OCLN: variants seen among roughly 807,000 people sequenced by gnomAD.
OCLN encodes the protein phosphatase 1, regulatory subunit 115.
OCLN carries 21 observed loss-of-function variants against 47.9 expected under a neutral mutation model. That is an observed-to-expected ratio of 0.44 (90% CI 0.31 to 0.63). OCLN has a LOEUF of 0.63. OCLN is among the 30% of genes least tolerant of loss of function. The pLI is 0.08. For missense variants in OCLN, 360 were observed against 571.0 expected, an observed-to-expected ratio of 0.63 and a Z score of 3.77; for synonymous variants, 117 against 198.4, an observed-to-expected ratio of 0.59 and a Z score of 3.45.
chr5:69,515,622 GC>G (rs1768932503), intron 4 of OCLN, among the ~76,000 whole-genome samples: 1 of 150,466 alleles, frequency 6.6e-6, no homozygotes, highest in African/African-American at 2.4e-5. Context: ...GGGGCGGCTG[GC>G]CGGGCGGGGG....
chr5:69,502,379 A>C (rs2111951065), intron 1 of OCLN: 1 of 152,322 alleles, frequency 6.6e-6, no homozygotes, highest in East Asian at 1.9e-4. Flanking sequence ...CATACCTTTT[A>C]AAGTTACTCT....
intron 2 of OCLN, among the ~76,000 whole-genome samples, chr5:69,507,826 G>T (rs534962822): frequency 3.3e-5 from 5 of 152,118 alleles, no homozygotes; most frequent in South Asian, 2.1e-4. Context: ...GGCCGGTCTC[G>T]AACTCCTGAC....
chr5:69,515,579 C>G (rs1310547983), intron 4 of OCLN, among the ~76,000 whole-genome samples: 3 of 94,612 alleles, frequency 3.2e-5, no homozygotes, highest in East Asian at 4.1e-4. Context: ...GCTGGCCGGG[C>G]GGGGGGCTGA....
At chr5:69,531,547 C>T (rs1034566558) in intron 4 of OCLN, among the ~76,000 whole-genome samples, 2 of 152,204 alleles carry the variant, frequency 1.3e-5, no homozygotes, top group Non-Finnish European at 2.9e-5. Context: ...AAGCATTTGC[C>T]TGTGAAGCTT....
chr5:69,520,353 C>T lies in OCLN; in HGVS notation c.891+6244C>T, dbSNP rs192067259. Among the ~76,000 whole-genome samples, 73 of 146,928 alleles carry T rather than the reference C, an allele frequency of 5.0e-4. 1 individual carries two copies. The East Asian group carries it at 7.2e-3, about 15-fold the overall frequency. On this transcript the variant is annotated intron_variant, in intron 4 of 8. Coordinates refer to ENST00000396442, the MANE Select transcript of OCLN (RefSeq NM_001205254.2). ...TCTTGCTCTGTTGCCCAGGCTGGAG[C>T]GCAGTGGCACTATCTCGGCTCACTG...
intron 4 of OCLN, among the ~76,000 whole-genome samples, chr5:69,519,281 G>C (rs778757720): frequency 1.3e-5 from 2 of 152,150 alleles, no homozygotes; most frequent in Non-Finnish European, 2.9e-5. Flanking sequence ...AGCATCTTCA[G>C]GATTATAACA....
intron 4 of OCLN, among the ~76,000 whole-genome samples, chr5:69,523,223 T>G (rs1769190064): frequency 6.6e-6 from 1 of 152,204 alleles, no homozygotes; most frequent in African/African-American, 2.4e-5. Context: ...ATACTGAAAT[T>G]GTGTTTTCTG....
intron 1 of OCLN, among the ~76,000 whole-genome samples, chr5:69,494,828 A>T (rs753672247): frequency 6.6e-6 from 1 of 152,198 alleles, no homozygotes; most frequent in Non-Finnish European, 1.5e-5. Flanking sequence ...AAAGTGGGCA[A>T]ATGCCGTGGG....
At chr5:69,519,018 G>A (rs531400444) in intron 4 of OCLN, among the ~76,000 whole-genome samples, 5 of 152,140 alleles carry the variant, frequency 3.3e-5, no homozygotes, top group Non-Finnish European at 5.9e-5. Flanking sequence ...GGTGCCTGTA[G>A]TCCCAGCTGC....
At chr5:69,528,277 G>GAGAT (rs754732671) in intron 4 of OCLN, among the ~76,000 whole-genome samples, 2 of 152,142 alleles carry the variant, frequency 1.3e-5, no homozygotes, top group Non-Finnish European at 2.9e-5. Flanking sequence ...TGTAAACCTG[G>GAGAT]AGATGATCCT....
At chr5:69,516,664 T>G (rs1254877219) in intron 4 of OCLN, among the ~76,000 whole-genome samples, 1 of 152,194 alleles carries the variant, frequency 6.6e-6, no homozygotes. Context: ...ATATATACTA[T>G]TAATCTTACC....
intron 1 of OCLN, among the ~76,000 whole-genome samples, chr5:69,500,353 A>G (rs546911363): frequency 6.6e-6 from 1 of 152,288 alleles, no homozygotes; most frequent in Middle Eastern, 3.4e-3. Context: ...CTTCCCAGAA[A>G]AGGAAATGAA....
At chr5:69,496,651 C>G (rs1768302968) in intron 1 of OCLN, among the ~76,000 whole-genome samples, 1 of 148,628 alleles carries the variant, frequency 6.7e-6, no homozygotes, top group South Asian at 2.1e-4. Flanking sequence ...AACAATCCCT[C>G]TGCCTTGGCT....
rs1016525711 is a variant in OCLN, at chr5:69,554,215, ATG to A, written c.*547_*548del. Reference sequence around the variant, plus strand: ...GCCTTTCATATTTTAGCTACTATATATGTGATGATCTACCAGCCTCCCTATTT... The same window carrying A: ...GCCTTTCATATTTTAGCTACTATATATGATGATCTACCAGCCTCCCTATTT... On this transcript the variant is annotated 3_prime_UTR_variant, in exon 9 of 9. Coordinates refer to ENST00000396442, the MANE Select transcript of OCLN (RefSeq NM_001205254.2). 1.5e-5 allele frequency: 2 copies of A among 134,416 alleles called. No homozygotes were observed. Among genetic ancestry groups the A allele is most frequent in the Admixed American group, 8.1e-5 (1 of 12,392 alleles). 8.3% of individuals were successfully genotyped at this position (134,416 alleles called of 1,614,324 possible).
chr5:69,533,930 G>T (rs1769519717), intron 4 of OCLN, among the ~76,000 whole-genome samples: 1 of 152,176 alleles, frequency 6.6e-6, no homozygotes, highest in East Asian at 1.9e-4. Flanking sequence ...CAAGTGCTGG[G>T]ATTACAGGCG....
intron 1 of OCLN, among the ~76,000 whole-genome samples, chr5:69,495,424 C>G (rs191298644): frequency 1.2e-3 from 179 of 152,300 alleles, no homozygotes; most frequent in Admixed American, 3.3e-3. Context: ...AGGTGATTCT[C>G]AGACTGTTCT....
rs143335340 is a variant in OCLN, at chr5:69,509,765, T to C, written c.675T>C (p.Thr225=). The change falls in exon 3 of 9, where the codon ACT becomes ACC. Residue 225 remains threonine, a synonymous_variant. Transcript: ENST00000396442. ...ACCAATTTTATACACCTGCAGCTAC[T>C]GGACTCTACGTGGATCAGTATTTGT... ...LCNQFYTPAA[T]GLYVDQYLYH... 1.2e-6 allele frequency: 2 copies of C among 1,614,144 alleles called. No individual in the cohort carries two copies. The highest frequency in any genetic ancestry group is 1.3e-5 in the African/African-American group (1 of 75,066).
In OCLN at chr5:69,554,368, C is replaced by G. The variant is rs534412736; in HGVS notation, c.*697C>G. ...TACTTTTTTAAGATCAAAGTTTAAACCCCGTGGTTAGAATTTTGTGTGTTT... is the reference window on the plus strand; with the variant it reads ...TACTTTTTTAAGATCAAAGTTTAAAGCCCGTGGTTAGAATTTTGTGTGTTT... On this transcript the variant is annotated 3_prime_UTR_variant, in exon 9 of 9. Transcript: ENST00000396442. 6.6e-6 allele frequency: 1 copy of G among 151,982 alleles called. No individual in the cohort carries two copies. Among genetic ancestry groups the G allele is most frequent in the South Asian group, 2.1e-4 (1 of 4,810 alleles). The allele number at this position is 151,982 out of a possible 1,614,324, so 9.4% of individuals were successfully genotyped here.
chr5:69,509,542 C>A lies in OCLN; in HGVS notation c.452C>A (p.Ala151Asp). The stretch of plus-strand genomic sequence containing the variant: ...GCCATGGCTGCCTTTTGTTTCATTG[C>A]CGCGTTGGTGATCTTTGTTACCAGT... ...MLAMAAFCFI[A>D]ALVIFVTSVI... Residue 151 changes from alanine (A) to aspartate (D), a missense_variant, in exon 3 of 9, where the codon GCC becomes GAC. By Grantham distance (126) the Ala-to-Asp change is moderately radical. Around this residue, in one of 3 missense-constraint regions of OCLN, gnomAD observed 314 missense variants for 368.1 expected, o/e 0.85. Transcript: ENST00000396442. 1 of 1,614,136 alleles carries A rather than the reference C, an allele frequency of 6.2e-7. No individual in the cohort carries two copies. The highest frequency in any genetic ancestry group is 8.5e-7 in the Non-Finnish European group (1 of 1,180,022).
Sources: gnomAD v4.1 joint callset for allele counts (sites outside exome capture counted in the v4.1 genomes callset) on GRCh38, gnomAD v4.1.1 for gene constraint, gnomAD v4.1.1 regional missense constraint, MANE v1.5 for transcripts, NCBI Gene and HGNC (gene_info 2026-07-23, HGNC 2026-07-21) for gene names.